Variants in WWC1 observed in about 807,000 individuals in gnomAD.
The protein encoded by WWC1 is protein KIBRA.
A neutral mutation model predicts 138.4 loss-of-function variants in WWC1; 55 were observed. The ratio of observed to expected loss-of-function variants is 0.40; its 90% CI spans 0.32 to 0.50. The LOEUF (loss-of-function observed/expected upper bound fraction) is 0.50. Ranked by LOEUF, WWC1 falls within the 20% of genes least tolerant of loss-of-function variation. The pLI is 0.72. For synonymous variants in WWC1, 524 were observed against 564.9 expected, an observed-to-expected ratio of 0.93 and a Z score of 1.03; for missense variants, 1,226 against 1,420.4, an observed-to-expected ratio of 0.86 and a Z score of 2.20.
At chr5:168,374,117 C>T (rs1776988152) in intron 2 of WWC1, among the ~76,000 whole-genome samples, 2 of 151,762 alleles carry the variant, frequency 1.3e-5, no homozygotes, top group South Asian at 4.2e-4. Context: ...CATACATTCA[C>T]CATCGAGCAT....
rs1173887928 is a variant in WWC1, at chr5:168,469,225, A to G, written c.*208A>G. ...ACAAAACACACACACACACAAAAAC[A>G]GAAACAAAAAAAACCAGCATTAAAA... is the stretch of plus-strand genomic sequence containing the variant. On this transcript the variant is annotated 3_prime_UTR_variant, in exon 23 of 23. Transcript: ENST00000265293. 1.8e-6 allele frequency: 1 copy of G among 552,440 alleles called. No homozygotes were observed. The highest frequency in any genetic ancestry group is 1.9e-5 in the African/African-American group (1 of 53,458). 34.2% of individuals were successfully genotyped at this position (552,440 alleles called of 1,614,324 possible).
chr5:168,394,205 A>G (rs1273163242), intron 3 of WWC1, among the ~76,000 whole-genome samples: 4 of 152,212 alleles, frequency 2.6e-5, no homozygotes, highest in Non-Finnish European at 4.4e-5. Flanking sequence ...GCAGTAATGC[A>G]TGCATATAAC....
At chr5:168,314,341 G>A (rs189220896) in intron 1 of WWC1, among the ~76,000 whole-genome samples, 2,692 of 152,204 alleles carry the variant, frequency 0.018, 77 homozygotes, top group African/African-American at 0.06. Context: ...GCTGAGGCGG[G>A]TGGATCACCT....
intron 1 of WWC1, among the ~76,000 whole-genome samples, chr5:168,347,431 C>T (rs186654682): frequency 2.0e-5 from 3 of 152,198 alleles, no homozygotes; most frequent in Non-Finnish European, 4.4e-5. Flanking sequence ...ATTCTGTGCC[C>T]TAATCCTGAC....
At chr5:168,427,099 A>G (rs1221258864) in intron 11 of WWC1, among the ~76,000 whole-genome samples, 2 of 152,102 alleles carry the variant, frequency 1.3e-5, no homozygotes, top group Non-Finnish European at 2.9e-5. Flanking sequence ...CGGGTGCTTA[A>G]TCTCTCCCTT....
intron 1 of WWC1, among the ~76,000 whole-genome samples, chr5:168,320,129 G>T (rs1270484566): frequency 6.6e-6 from 1 of 151,604 alleles, no homozygotes; most frequent in Non-Finnish European, 1.5e-5. Flanking sequence ...CCACCTCCCA[G>T]ATTCAAGTGA....
chr5:168,296,989 A>G (rs1769594466), intron 1 of WWC1, among the ~76,000 whole-genome samples: 1 of 152,214 alleles, frequency 6.6e-6, no homozygotes, highest in Non-Finnish European at 1.5e-5. Context: ...GCAAATGTAG[A>G]TAAGTGAGTC....
intron 16 of WWC1, among the ~76,000 whole-genome samples, chr5:168,442,439 C>CAAAA (rs11430085): frequency 1.9e-4 from 18 of 97,224 alleles, no homozygotes; most frequent in Admixed American, 1.3e-4. Context: ...CTTGTCTCTA[C>CAAAA]AAAAAAAAAA....
At chr5:168,365,485 T>A (rs1214007351) in intron 1 of WWC1, among the ~76,000 whole-genome samples, 1 of 152,136 alleles carries the variant, frequency 6.6e-6, no homozygotes, top group African/African-American at 2.4e-5. Context: ...CACCCAGTAT[T>A]AAACTTGGCA....
At chr5:168,447,665 T>G (rs1479385274) in intron 17 of WWC1, among the ~76,000 whole-genome samples, 1 of 152,180 alleles carries the variant, frequency 6.6e-6, no homozygotes, top group Non-Finnish European at 1.5e-5. Flanking sequence ...CTCTTCTCTC[T>G]TACTATTTTT....
intron 2 of WWC1, among the ~76,000 whole-genome samples, chr5:168,376,056 C>CTT (rs11325414): frequency 6.8e-6 from 1 of 147,286 alleles, no homozygotes; most frequent in Non-Finnish European, 1.5e-5. Flanking sequence ...TCATATTTGT[C>CTT]TTTTTTTTTT....
chr5:168,379,885 G>T (rs1220495697), intron 2 of WWC1, among the ~76,000 whole-genome samples: 1 of 152,096 alleles, frequency 6.6e-6, no homozygotes, highest in Non-Finnish European at 1.5e-5. Flanking sequence ...AAACATAAAA[G>T]CTAAAATTAT....
chr5:168,453,393 A>C (rs1756005499), intron 17 of WWC1, among the ~76,000 whole-genome samples: 1 of 152,204 alleles, frequency 6.6e-6, no homozygotes, highest in Non-Finnish European at 1.5e-5. Context: ...ACAGCTAATC[A>C]TGGCTGCCTA....
At position 168,409,943 on chromosome 5, in the gene WWC1, C is replaced by T; in HGVS notation, c.889C>T (p.Gln297Ter). 6.2e-7 allele frequency: 1 copy of T among 1,613,982 alleles called. No individual in the cohort carries two copies. Among genetic ancestry groups the T allele is most frequent in the African/African-American group, 1.3e-5 (1 of 75,020 alleles). Residue 297 changes from glutamine to a stop codon, truncating the protein, a stop_gained, in exon 8 of 23, where the codon CAG (glutamine) becomes TAG (stop). Transcript: ENST00000265293. LOFTEE classifies it high-confidence loss of function. ...SGSFGINSNN[Q>*]LAEKVRLRLR... ...CCAGTTCGGCATCAACAGCAACAAT[C>T]AGTTGGCAGAGAAGGTCAGATTGCG...
At chr5:168,429,993 G>A in intron 13 of WWC1, 144 bp from the exon 14 acceptor site, 3 of 628,456 alleles carry the variant, frequency 4.8e-6, no homozygotes, top group Non-Finnish European at 8.4e-6. Context: ...CTGCATGGCA[G>A]CAAAGCACTG....
At position 168,397,745 on chromosome 5, in the gene WWC1, GCTCCAAGTATGACC is replaced by G; in HGVS notation, c.458_471del (p.Ser153Ter). ...ACAGTGGTCTCTGGTTCATCATCCAGCTCCAAGTATGACCCTGAGATCCTGAAAGCTGAAATTGC... is the reference window on the plus strand; with the variant it reads ...ACAGTGGTCTCTGGTTCATCATCCAGCTGAGATCCTGAAAGCTGAAATTGC... On this transcript the variant is annotated frameshift_variant, in exon 4 of 23. Transcript: ENST00000265293. LOFTEE classifies it high-confidence loss of function. The G allele has an allele frequency of 6.2e-7, 1 of 1,613,908 alleles. No homozygotes were observed. The highest frequency in any genetic ancestry group is 8.5e-7 in the Non-Finnish European group (1 of 1,179,940).
At chr5:168,343,729 T>C (rs1056909484) in intron 1 of WWC1, among the ~76,000 whole-genome samples, 1 of 150,646 alleles carries the variant, frequency 6.6e-6, no homozygotes, top group Admixed American at 6.6e-5. Context: ...GGCTGAGGCA[T>C]GAGAATCACT....
intron 1 of WWC1, among the ~76,000 whole-genome samples, chr5:168,363,186 C>T (rs1304513681): frequency 6.6e-6 from 1 of 152,006 alleles, no homozygotes; most frequent in African/African-American, 2.4e-5. Flanking sequence ...GAACCAAATC[C>T]AATTCAGCTA....
At chr5:168,442,366 G>A (rs1245152230) in intron 16 of WWC1, among the ~76,000 whole-genome samples, 1 of 149,412 alleles carries the variant, frequency 6.7e-6, no homozygotes, top group East Asian at 2.0e-4. Context: ...CCTTTGGGAG[G>A]CTGAGGCAGG....
Sources: allele counts gnomAD v4.1 joint callset (sites outside exome capture counted in the v4.1 genomes callset), GRCh38; gene constraint gnomAD v4.1.1; transcripts MANE v1.5; gene names NCBI Gene and HGNC (gene_info 2026-07-23, HGNC 2026-07-21).